Variants in GABBR2 observed in about 807,000 individuals in gnomAD.
GABBR2 encodes the protein gamma-aminobutyric acid type B receptor subunit 2.
A neutral mutation model predicts 105.6 loss-of-function variants in GABBR2; 23 were observed. The observed-to-expected ratio is 0.22, with a 90% CI of 0.16 to 0.31. The LOEUF is 0.31. Among genes scored for constraint, GABBR2 ranks in the 10% least tolerant of loss-of-function variants. GABBR2 has a pLI of 1.00. For synonymous variants in GABBR2, 478 were observed against 499.7 expected (o/e 0.96, Z 0.58); for missense variants, 734 against 1,245.5 (o/e 0.59, Z 6.18).
At chr9:98,327,959 T>C in intron 13 of GABBR2, among the ~76,000 whole-genome samples, 1 of 150,940 alleles carries the variant, frequency 6.6e-6, no homozygotes, top group Non-Finnish European at 1.5e-5. Context: ...GAAGCAGATA[T>C]GTAGTTTTGA....
chr9:98,370,034 C>T (rs924449531), intron 12 of GABBR2, among the ~76,000 whole-genome samples: 2 of 151,958 alleles, frequency 1.3e-5, no homozygotes, highest in African/African-American at 4.8e-5. Flanking sequence ...GCTTGAGAAA[C>T]CTAAAGGTGG....
intron 11 of GABBR2, among the ~76,000 whole-genome samples, chr9:98,377,813 G>C (rs1259964436): frequency 1.3e-5 from 2 of 152,128 alleles, no homozygotes; most frequent in Admixed American, 1.3e-4. Context: ...GCGGGCATCT[G>C]TACCCCATCC....
In GABBR2 at chr9:98,366,866, C is replaced by T. The variant is rs147481404; in HGVS notation, c.1771-4029G>A. On this transcript the variant is annotated intron_variant, in intron 12 of 18. Coordinates refer to ENST00000259455, the MANE Select transcript of GABBR2 (RefSeq NM_005458.8). ...CCCAGTCATATTTGTAGTGAACTTCCATTGTCCTCAAAAAGCATCTGCCCC... is the reference window on the plus strand; with the variant it reads ...CCCAGTCATATTTGTAGTGAACTTCTATTGTCCTCAAAAAGCATCTGCCCC... Among the ~76,000 whole-genome samples the T allele has an allele frequency of 1.3e-3, 203 of 152,304 alleles. 1 individual carries two copies. The highest frequency in any genetic ancestry group is 4.5e-3 in the African/African-American group (188 of 41,560).
At chr9:98,417,453 T>C (rs1378602693) in intron 7 of GABBR2, among the ~76,000 whole-genome samples, 10 of 152,160 alleles carry the variant, frequency 6.6e-5, no homozygotes, top group Admixed American at 6.5e-4. Flanking sequence ...GCTAACACTA[T>C]TTCTTTACAA....
intron 13 of GABBR2, among the ~76,000 whole-genome samples, chr9:98,335,210 A>G (rs1041227464): frequency 6.6e-6 from 1 of 152,190 alleles, no homozygotes; most frequent in African/African-American, 2.4e-5. Flanking sequence ...TCAGAAAAAT[A>G]TGAGACCAGA....
At chr9:98,697,896 G>A (rs1408646004) in intron 1 of GABBR2, among the ~76,000 whole-genome samples, 1 of 152,240 alleles carries the variant, frequency 6.6e-6, no homozygotes, top group Non-Finnish European at 1.5e-5. Flanking sequence ...GAGTGGGCAT[G>A]CGGGTCCCCA....
At chr9:98,592,468 T>A (rs1829159950) in intron 1 of GABBR2, among the ~76,000 whole-genome samples, 2 of 152,202 alleles carry the variant, frequency 1.3e-5, no homozygotes, top group African/African-American at 4.8e-5. Context: ...GTAGATACTG[T>A]TATTAGCATT....
In GABBR2 at chr9:98,581,559, T is replaced by C. The variant is rs1457397929; in HGVS notation, c.322-3487A>G. ...GGAGGAAAGATTAAGTTCTTACTGC[T>C]TCTGGGGCCCTCTATTAATTATCCC... On this transcript the variant is annotated intron_variant, in intron 1 of 18. Coordinates refer to ENST00000259455, the MANE Select transcript of GABBR2 (RefSeq NM_005458.8). Among the ~76,000 whole-genome samples, 4 of 151,978 alleles carry C rather than the reference T, an allele frequency of 2.6e-5. No individual in the cohort carries two copies. In the East Asian group the frequency reaches 7.7e-4, roughly 29 times the overall value.
At chr9:98,313,551 G>A (rs957626466) in intron 13 of GABBR2, among the ~76,000 whole-genome samples, 3 of 152,196 alleles carry the variant, frequency 2.0e-5, no homozygotes, top group African/African-American at 7.2e-5. Flanking sequence ...ACACTAAATA[G>A]TTGCAAAATT....
chr9:98,606,116 C>T (rs1457221400), intron 1 of GABBR2, among the ~76,000 whole-genome samples: 2 of 152,148 alleles, frequency 1.3e-5, no homozygotes, highest in African/African-American at 2.4e-5. Context: ...ATCCTTTTTG[C>T]GGCTGCATAG....
At chr9:98,331,741 A>G (rs1388580477) in intron 13 of GABBR2, among the ~76,000 whole-genome samples, 1 of 152,120 alleles carries the variant, frequency 6.6e-6, no homozygotes, top group African/African-American at 2.4e-5. Context: ...CACCTCCTGG[A>G]TGTGCGAGCC....
intron 1 of GABBR2, among the ~76,000 whole-genome samples, chr9:98,678,028 T>A (rs1406080023): frequency 6.6e-6 from 1 of 152,236 alleles, no homozygotes; most frequent in African/African-American, 2.4e-5. Context: ...GTCTCCTTTA[T>A]CAGCACGCAA....
intron 13 of GABBR2, among the ~76,000 whole-genome samples, chr9:98,336,681 G>A (rs554137762): frequency 6.6e-6 from 1 of 152,314 alleles, no homozygotes; most frequent in Admixed American, 6.5e-5. Flanking sequence ...TCCAGCCTGA[G>A]CGACAGAGGG....
At chr9:98,707,469 A>G (rs1830911641) in intron 1 of GABBR2, 1 of 152,204 alleles carries the variant, frequency 6.6e-6, no homozygotes, top group South Asian at 2.1e-4. Flanking sequence ...GCTCCTCCAG[A>G]CCCGCTCCGC....
chr9:98,532,409 G>A (rs1292671769), intron 3 of GABBR2, among the ~76,000 whole-genome samples: 1 of 152,202 alleles, frequency 6.6e-6, no homozygotes, highest in East Asian at 1.9e-4. Context: ...TGGGGCCCGA[G>A]GTGGGGCACT....
chr9:98,679,326 C>T (rs1471786320), intron 1 of GABBR2, among the ~76,000 whole-genome samples: 3 of 152,104 alleles, frequency 2.0e-5, no homozygotes, highest in South Asian at 2.1e-4. Context: ...AATGAGAATG[C>T]TCTATAAGGC....
intron 1 of GABBR2, among the ~76,000 whole-genome samples, chr9:98,681,583 T>TA (rs199727369): frequency 0.097 from 14,741 of 151,348 alleles, 1,597 homozygotes; most frequent in African/African-American, 0.27. Context: ...TAAAGTATAA[T>TA]AAAAAAAAAT....
At chr9:98,622,203 C>T (rs1829679317) in intron 1 of GABBR2, among the ~76,000 whole-genome samples, 1 of 152,138 alleles carries the variant, frequency 6.6e-6, no homozygotes, top group African/African-American at 2.4e-5. Flanking sequence ...CTTGCTCTGT[C>T]ACCCAGGATG....
chr9:98,427,522 A>C (rs1377823052), intron 7 of GABBR2, among the ~76,000 whole-genome samples: 1 of 151,988 alleles, frequency 6.6e-6, no homozygotes, highest in Non-Finnish European at 1.5e-5. Context: ...TGATAACCAC[A>C]CTCTAAGGTG....
Sources: gnomAD v4.1 joint callset for allele counts (sites outside exome capture counted in the v4.1 genomes callset) on GRCh38, gnomAD v4.1.1 for gene constraint, MANE v1.5 for transcripts, NCBI Gene and HGNC (gene_info 2026-07-23, HGNC 2026-07-21) for gene names.